The following MARS1 variants were observed in gnomAD, a reference collection of about 807,000 sequenced individuals.
MARS1 encodes methionyl-tRNA synthetase 1.
Under a neutral mutation model 119.5 loss-of-function variants are expected in MARS1, and 80 were observed. The ratio of observed to expected loss-of-function variants is 0.67; its 90% CI spans 0.56 to 0.81. The LOEUF (loss-of-function observed/expected upper bound fraction) is 0.81. Ranked by LOEUF, MARS1 falls within the 30% of genes least tolerant of loss-of-function variation. The probability of loss-of-function intolerance (pLI) is 0.00; values close to 1 mark genes in which losing one functional copy is unlikely to be tolerated. For synonymous variants in MARS1, 418 were observed against 433.4 expected, an observed-to-expected ratio of 0.96 and a Z score of 0.44; for missense variants, 945 against 1,116.5, an observed-to-expected ratio of 0.85 and a Z score of 2.19.
rs768201969 is a variant in MARS1, at chr12:57,514,991, C to T, written c.2137C>T (p.Arg713Ter). ...DALRSILTIS[R>*]HGNQYIQVNE... ...CTTGCGCAGTATCCTCACCATATCT[C>T]GACATGGCAACCAATATATTCAGGT... The change falls in exon 17 of 21, where the codon CGA (arginine) becomes TGA (stop). Residue 713 changes from arginine to a stop codon, truncating the protein, a stop_gained. Coordinates refer to ENST00000262027, the MANE Select transcript of MARS1 (RefSeq NM_004990.4). LOFTEE classifies it high-confidence loss of function. 6.2e-6 allele frequency: 10 copies of T among 1,614,166 alleles called. No homozygotes were observed. Among genetic ancestry groups the T allele is most frequent in the East Asian group, 2.2e-5 (1 of 44,890 alleles).
rs201540140 is a variant in MARS1 at position 57,515,201 on chromosome 12, C to T, written c.2256C>T (p.Leu752=). The change falls in exon 18 of 21, where the codon CTC becomes CTT. Residue 752 remains leucine (L), a synonymous_variant. Transcript: ENST00000262027. ...TGGCAGTGAATATAGCTGCCTTGCT[C>T]TCTGTCATGCTTCAGCCTTACATGC... ...TGLAVNIAAL[L]SVMLQPYMPT... is the part of the protein sequence containing the mutation. 2.8e-5 allele frequency: 46 copies of T among 1,614,208 alleles called. No homozygotes were observed. The South Asian group carries it at 4.1e-4, about 14-fold the overall frequency.
intron 11 of MARS1, 74 bp from the exon 12 acceptor site, chr12:57,511,624 G>A (rs1877518976): frequency 1.3e-6 from 2 of 1,527,486 alleles, no homozygotes; most frequent in East Asian, 4.5e-5. Flanking sequence ...CTCCAAAAAG[G>A]TTATATGTGT....
chr12:57,516,293 A>C lies in MARS1; in HGVS notation c.2512A>C (p.Lys838Gln), dbSNP rs1287735889. 15 of 1,614,140 alleles carry C rather than the reference A, an allele frequency of 9.3e-6. No individual in the cohort carries two copies. Among genetic ancestry groups the C allele is most frequent in the Non-Finnish European group, 1.3e-5 (15 of 1,180,054 alleles). Residue 838 changes from lysine (K) to glutamine (Q), a missense_variant, in exon 20 of 21, where the codon AAG (lysine) becomes CAG (glutamine). Transcript: ENST00000262027. ...PAVVETVTTA[K>Q]PQQIQALMDE... ...AGTTGTAGAGACTGTTACAACAGCC[A>C]AGCCACAGCAGATACAAGCGCTGAT...
chr12:57,489,842 G>A, intron 4 of MARS1, 54 bp from the exon 5 acceptor site: 1 of 1,495,454 alleles, frequency 6.7e-7, no homozygotes, highest in Non-Finnish European at 9.3e-7. Flanking sequence ...TTACCATTGG[G>A]AAGAAACTGA....
intron 11 of MARS1, among the ~76,000 whole-genome samples, chr12:57,509,274 T>G (rs1877394749): frequency 6.6e-6 from 1 of 152,208 alleles, no homozygotes; most frequent in African/African-American, 2.4e-5. Flanking sequence ...AAATCAACCA[T>G]GTCACCAACC....
At chr12:57,495,817 G>A (rs1876594587) in intron 7 of MARS1, among the ~76,000 whole-genome samples, 1 of 151,778 alleles carries the variant, frequency 6.6e-6, no homozygotes, top group African/African-American at 2.4e-5. Flanking sequence ...CGGCCAACAC[G>A]GCGAAACCCC....
rs1875585401 is a variant in MARS1, at chr12:57,488,144, C to T, written c.54C>T (p.Ala18=). 1 of 1,614,150 alleles carries T rather than the reference C, an allele frequency of 6.2e-7. No individual in the cohort carries two copies. Among genetic ancestry groups the T allele is most frequent in the Non-Finnish European group, 8.5e-7 (1 of 1,180,036 alleles). The change falls in exon 1 of 21, where the codon GCC becomes GCT. Residue 18 remains alanine, a synonymous_variant. Transcript: ENST00000262027. ...CGGGTTGCTTGCCGGTGCTGGCCGC[C>T]GCCGGGAGAGCCCGGGGCAGAGCAG... is the stretch of plus-strand genomic sequence containing the variant. ...GVPGCLPVLA[A]AGRARGRAEV...
chr12:57,493,595 A>AATATATT (rs1876252535), intron 7 of MARS1, among the ~76,000 whole-genome samples: 1 of 23,090 alleles, frequency 4.3e-5, no homozygotes, highest in African/African-American at 4.1e-4. Context: ...AATATATTAT[A>AATATATT]ATATATAATA....
Position 57,489,458 on chromosome 12 carries a change from T to C in MARS1, c.314T>C (p.Val105Ala). The stretch of plus-strand genomic sequence containing the variant: ...TCTGCTGCCCTGTACTATTTAGTGG[T>C]CCAAGGCAAGAAGGGGGAAGATGTT... ...ALSAALYYLV[V>A]QGKKGEDVLG... Residue 105 changes from valine (V) to alanine (A), a missense_variant, in exon 4 of 21, where the codon GTC (valine) becomes GCC (alanine). Val to Ala is a moderately conservative substitution (Grantham distance 64). Coordinates refer to ENST00000262027, the MANE Select transcript of MARS1 (RefSeq NM_004990.4). The C allele has an allele frequency of 6.2e-7, 1 of 1,614,134 alleles. No individual in the cohort carries two copies. The highest frequency in any genetic ancestry group is 8.5e-7 in the Non-Finnish European group (1 of 1,180,034).
chr12:57,498,267 T>C lies in MARS1; in HGVS notation c.881T>C (p.Phe294Ser). 5.6e-6 allele frequency: 9 copies of C among 1,613,952 alleles called. No homozygotes were observed. Among genetic ancestry groups the C allele is most frequent in the Non-Finnish European group, 7.6e-6 (9 of 1,179,836 alleles). ...IIGCVLSADV[F>S]ARYSRLRQWN... ...GGTTGTGTGCTCAGTGCCGATGTCT[T>C]TGCCAGGTGGAGCCAGCTGCTCGGG... is the stretch of plus-strand genomic sequence containing the variant. Residue 294 changes from phenylalanine to serine, a missense_variant, in exon 8 of 21, where the codon TTT becomes TCT. By Grantham distance (155) the Phe-to-Ser change is radical. Transcript: ENST00000262027.
intron 15 of MARS1, among the ~76,000 whole-genome samples, chr12:57,514,190 T>A (rs1489740440): frequency 6.8e-6 from 1 of 146,642 alleles, no homozygotes; most frequent in Non-Finnish European, 1.5e-5. Context: ...GGAGTTTCTC[T>A]CTTGTTGCCC....
chr12:57,499,272 A>G (rs1380618940), intron 9 of MARS1, among the ~76,000 whole-genome samples: 1 of 139,528 alleles, frequency 7.2e-6, no homozygotes, highest in Non-Finnish European at 1.6e-5. Flanking sequence ...CAACAAGAGC[A>G]AAACTCTGTC....
intron 11 of MARS1, among the ~76,000 whole-genome samples, chr12:57,508,126 C>T (rs1460936590): frequency 6.6e-6 from 1 of 152,120 alleles, no homozygotes; most frequent in Non-Finnish European, 1.5e-5. Flanking sequence ...AGGCGCTCCT[C>T]ACTTCCTAGA....
In MARS1 at chr12:57,489,881, C is replaced by T; in HGVS notation, c.415-15C>T. On this transcript the variant is annotated splice_polypyrimidine_tract_variant and intron_variant, in intron 4 of 20. Coordinates refer to ENST00000262027, the MANE Select transcript of MARS1 (RefSeq NM_004990.4). ...TCTCATTTGTGTACATTTTCCTTTT[C>T]TATCCCCAACAAAGGAGACAGAATC... 2 of 1,611,728 alleles carry T rather than the reference C, an allele frequency of 1.2e-6. No homozygotes were observed. Among genetic ancestry groups the T allele is most frequent in the Non-Finnish European group, 8.5e-7 (1 of 1,177,832 alleles).
chr12:57,510,734 T>A (rs1231198038), intron 11 of MARS1, among the ~76,000 whole-genome samples: 1 of 151,060 alleles, frequency 6.6e-6, no homozygotes, highest in Non-Finnish European at 1.5e-5. Context: ...AGTTTGAGAG[T>A]AGCCTGGGCA....
At chr12:57,500,266 G>T in intron 9 of MARS1, 55 bp from the exon 10 acceptor site, 1 of 1,467,212 alleles carries the variant, frequency 6.8e-7, no homozygotes, top group South Asian at 1.1e-5. Flanking sequence ...GCAGGAGGAA[G>T]GGGTCCACCA....
intron 12 of MARS1, 34 bp from the exon 13 acceptor site, chr12:57,511,974 G>T: frequency 6.2e-7 from 1 of 1,609,154 alleles, no homozygotes; most frequent in Non-Finnish European, 8.5e-7. Flanking sequence ...CTTTGGATTG[G>T]TCCCTAACAT....
chr12:57,490,829 G>T (rs1485829074), intron 7 of MARS1, among the ~76,000 whole-genome samples, 185 bp downstream of exon 7: 2 of 86,986 alleles, frequency 2.3e-5, no homozygotes, highest in Non-Finnish European at 2.2e-5. Context: ...CTATCATTTT[G>T]GACACTCCAT....
At chr12:57,488,430 G>C (rs1207354473) in intron 1 of MARS1, 2 of 834,486 alleles carry the variant, frequency 2.4e-6, no homozygotes, top group Admixed American at 2.5e-5. Context: ...CCCCTCTTCC[G>C]TCTTCCCGGT....
Sources: gnomAD v4.1 joint callset for allele counts (sites outside exome capture counted in the v4.1 genomes callset) on GRCh38, gnomAD v4.1.1 for gene constraint, MANE v1.5 for transcripts, NCBI Gene and HGNC (gene_info 2026-07-23, HGNC 2026-07-21) for gene names.